The following CMBL variants were observed in gnomAD, a reference collection of about 807,000 sequenced individuals.
CMBL encodes the protein carboxymethylenebutenolidase homolog (Pseudomonas).
Under a neutral mutation model 28.7 loss-of-function variants are expected in CMBL, and 17 were observed. That is an observed-to-expected ratio of 0.59 (90% confidence interval 0.41 to 0.89). The LOEUF is 0.89. CMBL is among the 40% of genes least tolerant of loss of function. The pLI, the probability that CMBL is intolerant of heterozygous loss-of-function variation, is 0.00. For synonymous variants in CMBL, 106 were observed against 101.6 expected (o/e 1.04, Z -0.26); for missense variants, 310 against 298.5 (o/e 1.04, Z -0.28).
Position 10,289,247 on chromosome 5 carries a change from ATGC to A in CMBL, c.216-721_216-719del, listed in dbSNP as rs1370812144. The stretch of plus-strand genomic sequence containing the variant: ...CCAAGTTCGAGGCTCGGTACACCCC[ATGC>A]TGCTGTGTGGCCTTGGCCTTCACAA... On this transcript the variant is annotated intron_variant, in intron 2 of 5. Coordinates refer to ENST00000296658, the MANE Select transcript of CMBL (RefSeq NM_138809.4). This position sits in a 1 kb window ranked among gnomAD's most constrained non-coding sequence, Gnocchi z 4.3. Among the ~76,000 whole-genome samples, 1 of 152,166 alleles carries A rather than the reference ATGC, an allele frequency of 6.6e-6. No homozygotes were observed. The highest frequency in any genetic ancestry group is 1.5e-5 in the Non-Finnish European group (1 of 68,032).
In CMBL at chr5:10,290,802, G is replaced by A. The variant is rs749831549; in HGVS notation, c.-19-21C>T. ...TCGGGCTATGGAGAGAGAAACATGCGTTATATTCTGAATGCTGCAAATCTA... is the reference window on the plus strand; with the variant it reads ...TCGGGCTATGGAGAGAGAAACATGCATTATATTCTGAATGCTGCAAATCTA... On this transcript the variant is annotated intron_variant, in intron 1 of 5. Transcript: ENST00000296658. 9 of 1,528,480 alleles carry A rather than the reference G, an allele frequency of 5.9e-6. No homozygotes were observed. In the East Asian group the frequency reaches 6.8e-5, roughly 12 times the overall value. 94.7% of individuals were successfully genotyped at this position (1,528,480 alleles called of 1,614,324 possible).
rs970049479 is a variant in CMBL at position 10,279,944 on chromosome 5, A to G, written c.*509T>C. On this transcript the variant is annotated 3_prime_UTR_variant, in exon 6 of 6. Coordinates refer to ENST00000296658, the MANE Select transcript of CMBL (RefSeq NM_138809.4). ...ATTTTATTTATTTATTTATTTACTT[A>G]TTTATTTTTGAGACAGGGTCTCACT... is the stretch of plus-strand genomic sequence containing the variant. 6.6e-6 allele frequency: 1 copy of G among 151,838 alleles called. No individual in the cohort carries two copies. The highest frequency in any genetic ancestry group is 6.6e-5 in the Admixed American group (1 of 15,218). The allele number at this position is 151,838 out of a possible 1,614,324, so 9.4% of individuals were successfully genotyped here. A position where few individuals can be genotyped will look rare whatever the true frequency, so the allele number is the denominator to read the frequency against.
intron 1 of CMBL, among the ~76,000 whole-genome samples, chr5:10,304,097 A>G (rs1027553715): frequency 2.0e-5 from 3 of 152,122 alleles, no homozygotes; most frequent in African/African-American, 7.2e-5. Context: ...ACAGTGGCTC[A>G]TGCCTATACT....
At chr5:10,288,972 A>G (rs1475660838) in intron 2 of CMBL, among the ~76,000 whole-genome samples, 1 of 152,210 alleles carries the variant, frequency 6.6e-6, no homozygotes, top group African/African-American at 2.4e-5. Flanking sequence ...TGACCAGGCA[A>G]TGTTCCCAGC....
At chr5:10,290,323 C>A in intron 2 of CMBL, 1 of 557,454 alleles carries the variant, frequency 1.8e-6, no homozygotes, top group East Asian at 3.0e-5. Context: ...AGGCCAGGTA[C>A]TCCCAGGAGG....
chr5:10,292,336 G>A (rs1746737760), intron 1 of CMBL, among the ~76,000 whole-genome samples: 1 of 152,028 alleles, frequency 6.6e-6, no homozygotes, highest in Non-Finnish European at 1.5e-5. Flanking sequence ...CTCCCAAGTA[G>A]CTGGGACTAT....
intron 1 of CMBL, among the ~76,000 whole-genome samples, chr5:10,291,485 AC>A (rs1746715876): frequency 6.6e-6 from 1 of 151,778 alleles, no homozygotes; most frequent in African/African-American, 2.4e-5. Flanking sequence ...ACACGGTGAA[AC>A]CCCGTCTCTA....
chr5:10,302,314 C>G (rs551328470), intron 1 of CMBL, among the ~76,000 whole-genome samples: 1 of 152,130 alleles, frequency 6.6e-6, no homozygotes, highest in Non-Finnish European at 1.5e-5. Flanking sequence ...TTGGCCAAGG[C>G]GATTCCAAAG....
chr5:10,303,994 C>T (rs1448652643), intron 1 of CMBL, among the ~76,000 whole-genome samples: 7 of 152,280 alleles, frequency 4.6e-5, no homozygotes, highest in Middle Eastern at 3.4e-3. Context: ...ATCATGCTAA[C>T]GCAGTCATTT....
rs1296186828 is a variant in CMBL at position 10,289,969 on chromosome 5, C to T, written c.215+579G>A. Among the ~76,000 whole-genome samples, 11 of 152,282 alleles carry T rather than the reference C, an allele frequency of 7.2e-5. No homozygotes were observed. Among genetic ancestry groups the T allele is most frequent in the African/African-American group, 4.8e-5 (2 of 41,560 alleles). On this transcript the variant is annotated intron_variant, in intron 2 of 5. Transcript: ENST00000296658. The surrounding 1 kb of genome is among the most constrained non-coding windows in gnomAD (Gnocchi z 4.3). ...TCTGGCCCTCCTCTGCGCTTTACAC[C>T]GGGGCAAATAAGAAGCAATCGGGTA...
chr5:10,298,066 A>G (rs114114438), intron 1 of CMBL, among the ~76,000 whole-genome samples: 227 of 150,952 alleles, frequency 1.5e-3, no homozygotes, highest in African/African-American at 5.2e-3. Context: ...GAGCAGGCGC[A>G]GAGCAGGCAG....
intron 1 of CMBL, among the ~76,000 whole-genome samples, chr5:10,291,008 T>A (rs1399058771): frequency 6.6e-6 from 1 of 151,932 alleles, no homozygotes; most frequent in Non-Finnish European, 1.5e-5. Flanking sequence ...AAAATAGCGA[T>A]GAAAGAACTC....
intron 4 of CMBL, 84 bp from the exon 5 acceptor site, chr5:10,282,372 A>C: frequency 1.4e-5 from 10 of 726,206 alleles, no homozygotes; most frequent in Non-Finnish European, 2.4e-5. Context: ...TGATCCCCAC[A>C]CTCATGCCAC....
chr5:10,280,834 C>T (rs1010689284), intron 5 of CMBL, among the ~76,000 whole-genome samples: 6 of 152,192 alleles, frequency 3.9e-5, no homozygotes, highest in Non-Finnish European at 7.3e-5. Context: ...AGTTCAGTGG[C>T]GCCATCTCAG....
Position 10,285,055 on chromosome 5 carries a change from G to A in CMBL, c.466+1299C>T, listed in dbSNP as rs866449141. ...CTCACTCCCTGTCATCCAGGTTGGA[G>A]TGCAGTGGTGCATTCACAGCTCACT... On this transcript the variant is annotated intron_variant, in intron 4 of 5. Transcript: ENST00000296658. Among the ~76,000 whole-genome samples the A allele has an allele frequency of 1.3e-4, 19 of 151,742 alleles. No individual in the cohort carries two copies. The Middle Eastern group carries it at 0.01, about 81-fold the overall frequency.
intron 1 of CMBL, among the ~76,000 whole-genome samples, chr5:10,306,444 C>T (rs906776177): frequency 6.6e-6 from 1 of 151,570 alleles, no homozygotes; most frequent in Non-Finnish European, 1.5e-5. Context: ...GGGAGGGAGG[C>T]GCAGCGGGGA....
At chr5:10,301,209 C>T (rs1478759581) in intron 1 of CMBL, among the ~76,000 whole-genome samples, 1 of 152,106 alleles carries the variant, frequency 6.6e-6, no homozygotes, top group African/African-American at 2.4e-5. Context: ...GAAAGGGTGG[C>T]TGTTATATAA....
At chr5:10,294,604 G>T (rs1746778318) in intron 1 of CMBL, among the ~76,000 whole-genome samples, 1 of 151,778 alleles carries the variant, frequency 6.6e-6, no homozygotes, top group African/African-American at 2.4e-5. Context: ...GTTTTAAGAA[G>T]AAATCATCAA....
chr5:10,282,314 T>C (rs1284786930), intron 4 of CMBL, 26 bp from the exon 5 acceptor site: 4 of 1,349,896 alleles, frequency 3.0e-6, no homozygotes, highest in Admixed American at 1.7e-5. Context: ...AGAGGCATGA[T>C]GTCTGATCCC....
Sources: allele counts gnomAD v4.1 joint callset (sites outside exome capture counted in the v4.1 genomes callset), GRCh38; gene constraint gnomAD v4.1.1; non-coding constraint Gnocchi (gnomAD v3.1); transcripts MANE v1.5; gene names NCBI Gene and HGNC (gene_info 2026-07-23, HGNC 2026-07-21).